EYA4: variants seen among roughly 807,000 people sequenced by gnomAD.
The protein encoded by EYA4 is EYA transcriptional coactivator and phosphatase 4, also known as protein phosphatase EYA4.
Under a neutral mutation model 87.9 loss-of-function variants are expected in EYA4, and 31 were observed. The observed-to-expected ratio is 0.35, with a 90% confidence interval of 0.27 to 0.48. The LOEUF is 0.48. Ranked by LOEUF, EYA4 falls within the 20% of genes least tolerant of loss-of-function variation. The pLI is 0.99. For missense variants in EYA4, 678 were observed against 761.4 expected (o/e 0.89, Z 1.29); for synonymous variants, 263 against 270.6 (o/e 0.97, Z 0.28).
chr6:133,260,239 A>AT lies in EYA4; in HGVS notation c.-65-14467dup, dbSNP rs142398755. Among the ~76,000 whole-genome samples, 12 of 149,510 alleles carry AT rather than the reference A, an allele frequency of 8.0e-5. 1 individual carries two copies. The highest frequency in any genetic ancestry group is 2.1e-4 in the South Asian group (1 of 4,724). On this transcript the variant is annotated intron_variant, in intron 1 of 19. Coordinates refer to ENST00000355286, the MANE Select transcript of EYA4 (RefSeq NM_004100.5). The stretch of plus-strand genomic sequence containing the variant: ...GTTTTGTTTCTTTATGTAGCTTATA[A>AT]TTTTTTTTTTCTTTTTGAGATGGAG...
chr6:133,305,386 G>A (rs918592843), intron 2 of EYA4, among the ~76,000 whole-genome samples: 12 of 152,276 alleles, frequency 7.9e-5, no homozygotes, highest in African/African-American at 2.6e-4. Flanking sequence ...GAGGAAGACC[G>A]GTTACAAGGC....
At chr6:133,256,756 G>A (rs765337893) in intron 1 of EYA4, among the ~76,000 whole-genome samples, 98 of 152,066 alleles carry the variant, frequency 6.4e-4, no homozygotes, top group African/African-American at 2.2e-3. Context: ...TTAAAATGAA[G>A]TATATTAATC....
At chr6:133,420,325 G>A (rs1318571868) in intron 3 of EYA4, among the ~76,000 whole-genome samples, 1 of 152,210 alleles carries the variant, frequency 6.6e-6, no homozygotes, top group Non-Finnish European at 1.5e-5. Context: ...TGTGTAAAAT[G>A]TAGGTTTTCT....
chr6:133,379,524 C>T (rs180744902), intron 2 of EYA4, among the ~76,000 whole-genome samples: 8 of 151,982 alleles, frequency 5.3e-5, no homozygotes, highest in East Asian at 3.9e-4. Flanking sequence ...TTTTTGTCTT[C>T]GGTATATCTA....
chr6:133,345,755 GGTAAA>G (rs1341053998), intron 2 of EYA4, among the ~76,000 whole-genome samples: 2 of 151,962 alleles, frequency 1.3e-5, no homozygotes, highest in African/African-American at 2.4e-5. Context: ...TTTAGAAAGG[GGTAAA>G]GTAATAAAAA....
intron 3 of EYA4, among the ~76,000 whole-genome samples, chr6:133,416,959 G>A (rs3777840): frequency 0.035 from 5,399 of 152,226 alleles, 267 homozygotes; most frequent in African/African-American, 0.11. Flanking sequence ...GGTGTATGCC[G>A]AACACCTACT....
chr6:133,252,506 T>G (rs1774989051), intron 1 of EYA4, among the ~76,000 whole-genome samples: 2 of 152,212 alleles, frequency 1.3e-5, no homozygotes, highest in South Asian at 4.1e-4. Flanking sequence ...ACATTTTATC[T>G]ATGAAATGAT....
At chr6:133,248,858 A>C (rs1386509997) in intron 1 of EYA4, 1 of 135,414 alleles carries the variant, frequency 7.4e-6, no homozygotes, top group Non-Finnish European at 1.6e-5. Flanking sequence ...CGGCAATTCT[A>C]CTGTTTTATT....
intron 3 of EYA4, among the ~76,000 whole-genome samples, chr6:133,431,398 C>A (rs1791171372): frequency 6.6e-6 from 1 of 152,062 alleles, no homozygotes; most frequent in East Asian, 1.9e-4. Context: ...CTTTTTGTTT[C>A]CTTGAAATAT....
At chr6:133,340,024 G>C (rs1583004244) in intron 2 of EYA4, among the ~76,000 whole-genome samples, 1 of 152,304 alleles carries the variant, frequency 6.6e-6, no homozygotes, top group South Asian at 2.1e-4. Flanking sequence ...TTAGCAACCA[G>C]TAGGGGTAGA....
At chr6:133,372,799 GTTAAAT>G (rs1785375465) in intron 2 of EYA4, among the ~76,000 whole-genome samples, 1 of 151,594 alleles carries the variant, frequency 6.6e-6, no homozygotes, top group Admixed American at 6.6e-5. Context: ...GATATATGTT[GTTAAAT>G]TTAAAATTGC....
At chr6:133,518,611 A>C (rs1799817205) in intron 17 of EYA4, among the ~76,000 whole-genome samples, 1 of 152,168 alleles carries the variant, frequency 6.6e-6, no homozygotes, top group South Asian at 2.1e-4. Context: ...ATAACGAAAG[A>C]TGTAAGAATA....
chr6:133,515,536 T>C, intron 17 of EYA4, 101 bp downstream of exon 17: 1 of 785,942 alleles, frequency 1.3e-6, no homozygotes, highest in Admixed American at 1.8e-5. Flanking sequence ...GTTTTAGACT[T>C]TAAGGGACCT....
At chr6:133,434,050 A>C (rs868798328) in intron 3 of EYA4, among the ~76,000 whole-genome samples, 1 of 152,234 alleles carries the variant, frequency 6.6e-6, no homozygotes, top group Non-Finnish European at 1.5e-5. Context: ...CTGTGTGACT[A>C]TGGGGACCAC....
At chr6:133,355,861 T>C (rs1167433833) in intron 2 of EYA4, among the ~76,000 whole-genome samples, 2 of 152,198 alleles carry the variant, frequency 1.3e-5, no homozygotes, top group African/African-American at 2.4e-5. Flanking sequence ...TAGTTGCATA[T>C]TGTTGTAGTC....
chr6:133,448,082 A>G, intron 4 of EYA4, 29 bp from the exon 5 acceptor site: 2 of 1,570,488 alleles, frequency 1.3e-6, no homozygotes, highest in Non-Finnish European at 1.8e-6. Context: ...CATTCAGACA[A>G]TGAACTTTTA....
Position 133,500,494 on chromosome 6 carries a change from G to A in EYA4, c.1192-5612G>A, listed in dbSNP as rs17062634. Among the ~76,000 whole-genome samples, 398 of 152,184 alleles carry A rather than the reference G, an allele frequency of 2.6e-3. 1 individual carries two copies. The highest frequency in any genetic ancestry group is 9.0e-3 in the African/African-American group (372 of 41,526). The stretch of plus-strand genomic sequence containing the variant: ...TCAAGTGGGTGCAAGCACTCTTGGG[G>A]TCATGAACTCTTCCTATTGGAGGTT... On this transcript the variant is annotated intron_variant, in intron 13 of 19. Transcript: ENST00000355286.
intron 19 of EYA4, chr6:133,525,883 C>G: frequency 9.1e-6 from 9 of 985,084 alleles, no homozygotes; most frequent in Non-Finnish European, 1.1e-5. Flanking sequence ...TCCTTTTGCA[C>G]CAACTTGTCT....
intron 2 of EYA4, among the ~76,000 whole-genome samples, chr6:133,316,921 C>T (rs1265986014): frequency 6.6e-6 from 1 of 152,170 alleles, no homozygotes; most frequent in Non-Finnish European, 1.5e-5. Flanking sequence ...CTTTGGCCTG[C>T]ATAGAAGCCT....
Sources: gnomAD v4.1 joint callset for allele counts (sites outside exome capture counted in the v4.1 genomes callset) on GRCh38, gnomAD v4.1.1 for gene constraint, MANE v1.5 for transcripts, NCBI Gene and HGNC (gene_info 2026-07-23, HGNC 2026-07-21) for gene names.